OR9Q1: variants seen among roughly 807,000 people sequenced by gnomAD.
The protein encoded by OR9Q1 is olfactory receptor family 9 subfamily Q member 1, also known as olfactory receptor 9Q1.
For missense variants in OR9Q1, 374 were observed against 378.8 expected (o/e 0.99, Z 0.11); for synonymous variants, 153 against 148.6 (o/e 1.03, Z -0.22).
Position 58,180,518 on chromosome 11 carries a change from C to T in OR9Q1, c.*141C>T. ...TAAAAAAGAACCAGAACTTTTAGCT[C>T]CAGGGAGAGGAAGGAAGACAAGGAA... On this transcript the variant is annotated 3_prime_UTR_variant, in exon 3 of 3. Coordinates refer to ENST00000335397, the MANE Select transcript of OR9Q1 (RefSeq NM_001005212.4). The T allele has an allele frequency of 4.0e-6, 2 of 501,566 alleles. No individual in the cohort carries two copies. Among genetic ancestry groups the T allele is most frequent in the Non-Finnish European group, 7.0e-6 (2 of 285,334 alleles). The allele number at this position is 501,566 out of a possible 1,614,324, so 31.1% of individuals were successfully genotyped here. A position where few individuals can be genotyped will look rare whatever the true frequency, so the allele number is the denominator to read the frequency against.
At chr11:58,162,642 C>T in intron 2 of OR9Q1, among the ~76,000 whole-genome samples, 1 of 152,258 alleles carries the variant, frequency 6.6e-6, no homozygotes. Context: ...TTATTTAATA[C>T]CTTCTTTCTG....
intron 2 of OR9Q1, among the ~76,000 whole-genome samples, chr11:58,133,797 TAGAG>T (rs1035736946): frequency 6.6e-6 from 1 of 152,216 alleles, no homozygotes; most frequent in Non-Finnish European, 1.5e-5. Flanking sequence ...ATTGACGTTA[TAGAG>T]AGAGCTAGAA....
chr11:58,102,118 G>GT (rs1277146342), intron 2 of OR9Q1, among the ~76,000 whole-genome samples: 5 of 151,596 alleles, frequency 3.3e-5, no homozygotes, highest in East Asian at 3.9e-4. Context: ...TAGGTCTTTT[G>GT]TTTTTTTTCT....
At chr11:58,138,246 G>T (rs1590610308) in intron 2 of OR9Q1, among the ~76,000 whole-genome samples, 1 of 152,148 alleles carries the variant, frequency 6.6e-6, no homozygotes, top group African/African-American at 2.4e-5. Context: ...CTCCTGATTT[G>T]TGCCTCCCCA....
At chr11:58,168,689 T>C (rs988868605) in intron 2 of OR9Q1, among the ~76,000 whole-genome samples, 4 of 152,158 alleles carry the variant, frequency 2.6e-5, no homozygotes, top group Non-Finnish European at 2.9e-5. Context: ...TCAAATCCAA[T>C]AAAAAATTTG....
intron 2 of OR9Q1, among the ~76,000 whole-genome samples, chr11:58,059,687 CAAAAAAAAAAAA>C (rs58893511): frequency 1.0e-4 from 4 of 40,186 alleles, no homozygotes; most frequent in East Asian, 1.4e-3. Flanking sequence ...GGCTCTGTCT[CAAAAAAAAAAAA>C]AAAAAAAAAA....
chr11:58,177,930 T>C (rs1042770296), intron 2 of OR9Q1, among the ~76,000 whole-genome samples: 7 of 152,048 alleles, frequency 4.6e-5, no homozygotes, highest in Non-Finnish European at 8.8e-5. Context: ...GGTTTGAAGG[T>C]AGGGTAAGAG....
At chr11:58,054,972 T>G (rs1223841905) in intron 1 of OR9Q1, among the ~76,000 whole-genome samples, 1 of 152,160 alleles carries the variant, frequency 6.6e-6, no homozygotes, top group Non-Finnish European at 1.5e-5. Context: ...ACCAGTCAAA[T>G]ATATGTGTGT....
intron 2 of OR9Q1, among the ~76,000 whole-genome samples, chr11:58,103,969 A>G (rs1853815529): frequency 6.6e-6 from 1 of 152,194 alleles, no homozygotes; most frequent in Admixed American, 6.5e-5. Flanking sequence ...TCTCAGGCCA[A>G]GGGTGTGCAT....
Position 58,142,286 on chromosome 11 carries a change from G to A in OR9Q1, c.-14-37145G>A, listed in dbSNP as rs1287537528. ...AATGAGCATGAAGGCAGGACCCTTT[G>A]TTTTGTTCCAAGCAACTAGAAAAGT... On this transcript the variant is annotated intron_variant, in intron 2 of 2. Transcript: ENST00000335397. 2.0e-5 allele frequency among the ~76,000 whole-genome samples: 3 copies of A among 151,974 alleles called. No homozygotes were observed. In the East Asian group the frequency reaches 5.8e-4, roughly 29 times the overall value.
intron 2 of OR9Q1, among the ~76,000 whole-genome samples, chr11:58,099,883 A>AT (rs940477314): frequency 2.0e-5 from 3 of 151,910 alleles, no homozygotes; most frequent in African/African-American, 7.3e-5. Context: ...TGTTTGAATC[A>AT]TTTTTTAAAA....
chr11:58,031,014 G>C, intron 1 of OR9Q1: 1 of 1,614,100 alleles, frequency 6.2e-7, no homozygotes, highest in South Asian at 1.1e-5. Context: ...GGCTTTGCTG[G>C]CATCCATGAA....
intron 1 of OR9Q1, chr11:58,031,929 T>G: frequency 7.0e-7 from 1 of 1,418,962 alleles, no homozygotes; most frequent in Non-Finnish European, 9.9e-7. Flanking sequence ...GAACCCAGTT[T>G]CCTTGCCTTG....
At chr11:58,048,380 T>C (rs1453585329) in intron 1 of OR9Q1, among the ~76,000 whole-genome samples, 2 of 151,680 alleles carry the variant, frequency 1.3e-5, no homozygotes, top group Non-Finnish European at 2.9e-5. Context: ...TTTCAATATA[T>C]CAATTAGGCT....
In OR9Q1 at chr11:58,180,391, TG is replaced by T; in HGVS notation, c.*16del. 6.5e-7 allele frequency: 1 copy of T among 1,531,042 alleles called. No individual in the cohort carries two copies. The highest frequency in any genetic ancestry group is 8.8e-7 in the Non-Finnish European group (1 of 1,132,472). 94.8% of individuals were successfully genotyped at this position (1,531,042 alleles called of 1,614,324 possible). On this transcript the variant is annotated 3_prime_UTR_variant, in exon 3 of 3. Coordinates refer to ENST00000335397, the MANE Select transcript of OR9Q1 (RefSeq NM_001005212.4). ...AAGTTGTCCTAACCATCTCCAAACT[TG>T]GAAAATCCCGAGAACCACCTACTCT... is the stretch of plus-strand genomic sequence containing the variant.
intron 1 of OR9Q1, chr11:58,032,062 A>G: frequency 1.8e-6 from 1 of 565,748 alleles, no homozygotes. Context: ...GAAGTGAAAG[A>G]TATTTATAAG....
intron 2 of OR9Q1, among the ~76,000 whole-genome samples, chr11:58,099,063 C>G (rs1158668490): frequency 4.6e-5 from 7 of 151,644 alleles, no homozygotes; most frequent in Non-Finnish European, 7.4e-5. Flanking sequence ...GATTTCAATC[C>G]TTTGTGATTT....
chr11:58,170,244 A>T (rs1854542035), intron 2 of OR9Q1, among the ~76,000 whole-genome samples: 1 of 152,118 alleles, frequency 6.6e-6, no homozygotes, highest in African/African-American at 2.4e-5. Flanking sequence ...GGGTACTGGG[A>T]CATTGACTCC....
intron 2 of OR9Q1, among the ~76,000 whole-genome samples, chr11:58,126,493 A>C (rs1053272715): frequency 6.6e-6 from 1 of 152,136 alleles, no homozygotes; most frequent in Non-Finnish European, 1.5e-5. Flanking sequence ...CTGGGATAAA[A>C]AACCTTTGAA....
Sources: allele counts gnomAD v4.1 joint callset (sites outside exome capture counted in the v4.1 genomes callset), GRCh38; gene constraint gnomAD v4.1.1; transcripts MANE v1.5; gene names NCBI Gene and HGNC (gene_info 2026-07-23, HGNC 2026-07-21).